The following TMTC1 variants were observed in gnomAD, a reference collection of about 807,000 sequenced individuals.
The protein encoded by TMTC1 is transmembrane O-mannosyltransferase targeting cadherins 1.
TMTC1 carries 73 observed loss-of-function variants against 104.8 expected under a neutral mutation model. The observed-to-expected ratio is 0.70, with a 90% CI of 0.58 to 0.85. The LOEUF is 0.85. Among genes scored for constraint, TMTC1 ranks in the 40% least tolerant of loss-of-function variants. The pLI is 0.00. For missense variants in TMTC1, 1,035 were observed against 1,096.1 expected, an observed-to-expected ratio of 0.94 and a Z score of 0.79; for synonymous variants, 434 against 428.7, an observed-to-expected ratio of 1.01 and a Z score of -0.15.
chr12:29,604,342 T>C (rs766409760), intron 6 of TMTC1, 43 bp from the exon 7 acceptor site: 1 of 1,611,342 alleles, frequency 6.2e-7, no homozygotes, highest in Admixed American at 1.7e-5. Flanking sequence ...TTCTGTTGAA[T>C]TCCACTTCAG....
chr12:29,676,284 T>G lies in TMTC1; in HGVS notation c.939-42948A>C, dbSNP rs144248747. ...TGTGAGTTTTCCTATTTTATGTAAC[T>G]TTCTTTTACTACCTTTTCCTTGTAT... On this transcript the variant is annotated intron_variant, in intron 5 of 17. Coordinates refer to ENST00000539277, the MANE Select transcript of TMTC1 (RefSeq NM_001193451.2). 9.8e-5 allele frequency among the ~76,000 whole-genome samples: 15 copies of G among 152,340 alleles called. No homozygotes were observed. In the East Asian group the frequency reaches 2.9e-3, roughly 29 times the overall value.
chr12:29,575,937 C>T (rs764747824), intron 8 of TMTC1, among the ~76,000 whole-genome samples: 1 of 152,156 alleles, frequency 6.6e-6, no homozygotes, highest in Non-Finnish European at 1.5e-5. Context: ...CAATAGCCGT[C>T]GTAACAGTTG....
At chr12:29,677,645 G>A (rs533094891) in intron 5 of TMTC1, among the ~76,000 whole-genome samples, 18 of 152,178 alleles carry the variant, frequency 1.2e-4, no homozygotes, top group Admixed American at 3.3e-4. Context: ...AAGTTGTTCC[G>A]AGTAGCATAA....
intron 5 of TMTC1, among the ~76,000 whole-genome samples, chr12:29,745,262 T>C (rs302326): frequency 0.34 from 52,356 of 151,884 alleles, 9,089 homozygotes; most frequent in African/African-American, 0.37. Context: ...TCACCAAGTG[T>C]GCCTGTAGTC....
intron 10 of TMTC1, among the ~76,000 whole-genome samples, chr12:29,550,269 G>T (rs1397121043): frequency 1.3e-5 from 2 of 152,138 alleles, no homozygotes; most frequent in African/African-American, 2.4e-5. Flanking sequence ...AAGAGTCTAA[G>T]TTGATGTCAC....
chr12:29,724,432 T>C (rs988343785), intron 5 of TMTC1, among the ~76,000 whole-genome samples: 1 of 152,152 alleles, frequency 6.6e-6, no homozygotes, highest in Non-Finnish European at 1.5e-5. Flanking sequence ...TGTACATATA[T>C]ATGAGAAATG....
At chr12:29,611,861 G>A (rs2136430181) in intron 6 of TMTC1, among the ~76,000 whole-genome samples, 1 of 152,254 alleles carries the variant, frequency 6.6e-6, no homozygotes, top group South Asian at 2.1e-4. Context: ...AGAGGATGGA[G>A]GAAAAACAAA....
rs137938007 is a variant in TMTC1 at position 29,536,367 on chromosome 12, T to G, written c.1677-50A>C. The G allele has an allele frequency of 9.4e-6, 11 of 1,167,514 alleles. No homozygotes were observed. The East Asian group carries it at 2.6e-4, about 27-fold the overall frequency. The allele number at this position is 1,167,514 out of a possible 1,614,324, so 72.3% of individuals were successfully genotyped here. On this transcript the variant is annotated intron_variant, in intron 10 of 17. Coordinates refer to ENST00000539277, the MANE Select transcript of TMTC1 (RefSeq NM_001193451.2). ...GGGAGAACATCTTTTAATAACACTT[T>G]GTTTCAATCCTCTGATTAGACTCTA...
intron 5 of TMTC1, among the ~76,000 whole-genome samples, chr12:29,729,934 T>A (rs1271413154): frequency 6.6e-6 from 1 of 152,190 alleles, no homozygotes; most frequent in Non-Finnish European, 1.5e-5. Context: ...ATAAATATAA[T>A]TTCCTCTTCT....
chr12:29,628,385 C>T (rs1427737882), intron 6 of TMTC1, among the ~76,000 whole-genome samples: 1 of 152,134 alleles, frequency 6.6e-6, no homozygotes, highest in Non-Finnish European at 1.5e-5. Flanking sequence ...TTTATTACTC[C>T]TGTAAACAAA....
intron 4 of TMTC1, among the ~76,000 whole-genome samples, chr12:29,752,805 G>A (rs1943124004): frequency 6.6e-6 from 1 of 152,148 alleles, no homozygotes; most frequent in Non-Finnish European, 1.5e-5. Context: ...TAGCATGTGT[G>A]TATATGAAGT....
chr12:29,695,879 T>G (rs1211511029), intron 5 of TMTC1, among the ~76,000 whole-genome samples: 2 of 147,186 alleles, frequency 1.4e-5, no homozygotes, highest in African/African-American at 4.9e-5. Flanking sequence ...TGGATTTTAC[T>G]AGGACCTATT....
intron 4 of TMTC1, among the ~76,000 whole-genome samples, chr12:29,753,528 T>C (rs1475422529): frequency 6.6e-6 from 1 of 152,226 alleles, no homozygotes; most frequent in African/African-American, 2.4e-5. Flanking sequence ...TTTTCTCCTT[T>C]GTAAAATGAG....
At chr12:29,751,951 C>G in intron 4 of TMTC1, 79 bp from the exon 5 acceptor site, 2 of 1,342,178 alleles carry the variant, frequency 1.5e-6, no homozygotes, top group Non-Finnish European at 9.9e-7. Flanking sequence ...GTAAACTGCC[C>G]CACCCACAAG....
chr12:29,621,377 C>G (rs191968175), intron 6 of TMTC1, among the ~76,000 whole-genome samples: 13 of 152,270 alleles, frequency 8.5e-5, no homozygotes, highest in Admixed American at 3.3e-4. Context: ...TCAGTTCAAC[C>G]ATATGGATCT....
intron 10 of TMTC1, among the ~76,000 whole-genome samples, chr12:29,554,570 A>G (rs1445877480): frequency 6.6e-6 from 1 of 152,206 alleles, no homozygotes; most frequent in Non-Finnish European, 1.5e-5. Context: ...ATTGTGCTAT[A>G]CATATGCAAA....
rs1565627545 is a variant in TMTC1 at position 29,502,337 on chromosome 12, A to ACTTT, written c.*4508_*4509insAAAG. The ACTTT allele has an allele frequency of 1.8e-5, 2 of 108,470 alleles. No individual in the cohort carries two copies. The highest frequency in any genetic ancestry group is 3.7e-5 in the Non-Finnish European group (2 of 53,504). 6.7% of individuals were successfully genotyped at this position (108,470 alleles called of 1,614,324 possible). A position where few individuals can be genotyped will look rare whatever the true frequency, so the allele number is the denominator to read the frequency against. ...TGAATCCACCACAAATCAAAGCAAAAGTTTTTTTTTTTTTCAAAAACAGAT... is the reference window on the plus strand; with the variant it reads ...TGAATCCACCACAAATCAAAGCAAAACTTTGTTTTTTTTTTTTTCAAAAACAGAT... On this transcript the variant is annotated 3_prime_UTR_variant, in exon 18 of 18. Transcript: ENST00000539277.
At chr12:29,673,539 C>G (rs556312799) in intron 5 of TMTC1, among the ~76,000 whole-genome samples, 81 of 152,044 alleles carry the variant, frequency 5.3e-4, no homozygotes, top group African/African-American at 1.8e-3. Context: ...ACATAAAAAG[C>G]CCAAGTAGGA....
In TMTC1 at chr12:29,503,267, C is replaced by A. The variant is rs140497562; in HGVS notation, c.*3579G>T. On this transcript the variant is annotated 3_prime_UTR_variant, in exon 18 of 18. Transcript: ENST00000539277. ...AATTAAACAACCCAAAAGGATATAT[C>A]TCAGGATTCTCTATAATACAATTTC... is the stretch of plus-strand genomic sequence containing the variant. The A allele has an allele frequency of 4.5e-4, 68 of 152,268 alleles. No homozygotes were observed. Among genetic ancestry groups the A allele is most frequent in the African/African-American group, 1.6e-3 (68 of 41,548 alleles). 9.4% of individuals were successfully genotyped at this position (152,268 alleles called of 1,614,324 possible).
Sources: gnomAD v4.1 joint callset for allele counts (sites outside exome capture counted in the v4.1 genomes callset) on GRCh38, gnomAD v4.1.1 for gene constraint, MANE v1.5 for transcripts, NCBI Gene and HGNC (gene_info 2026-07-23, HGNC 2026-07-21) for gene names.